Variants in SMYD4 observed in about 807,000 individuals in gnomAD.
SMYD4 encodes protein-lysine N-methyltransferase SMYD4.
Under a neutral mutation model 72.8 loss-of-function variants are expected in SMYD4, and 68 were observed. The observed-to-expected ratio is 0.93, with a 90% confidence interval of 0.77 to 1.14. The LOEUF (loss-of-function observed/expected upper bound fraction) is 1.14. SMYD4 is among the 50% of genes most tolerant of loss of function. The probability of loss-of-function intolerance (pLI) is 0.00; values close to 1 mark genes in which losing one functional copy is unlikely to be tolerated. For missense variants in SMYD4, 984 were observed against 1,003.7 expected (o/e 0.98, Z 0.27); for synonymous variants, 407 against 388.6 (o/e 1.05, Z -0.56).
In SMYD4 at chr17:1,786,504, G is replaced by A. The variant is rs766672078; in HGVS notation, c.1884+306C>T. 1.2e-3 allele frequency among the ~76,000 whole-genome samples: 183 copies of A among 152,248 alleles called. 1 individual carries two copies. Among genetic ancestry groups the A allele is most frequent in the Non-Finnish European group, 9.6e-4 (65 of 68,024 alleles). ...GCTGGGATAATAGGCATGTGTCACTGTGCCCAGCCTATCCTGGGACTTTTC... is the reference window on the plus strand; with the variant it reads ...GCTGGGATAATAGGCATGTGTCACTATGCCCAGCCTATCCTGGGACTTTTC... On this transcript the variant is annotated intron_variant, in intron 7 of 10. Transcript: ENST00000305513.
intron 2 of SMYD4, among the ~76,000 whole-genome samples, chr17:1,813,860 C>T (rs147586907): frequency 1.3e-5 from 2 of 152,128 alleles, no homozygotes; most frequent in African/African-American, 2.4e-5. Context: ...AAAAATATAC[C>T]TATTTTCCAA....
chr17:1,821,449 G>C (rs1910886644), intron 2 of SMYD4, among the ~76,000 whole-genome samples: 1 of 152,122 alleles, frequency 6.6e-6, no homozygotes, highest in Non-Finnish European at 1.5e-5. Context: ...AGGAGGCGGA[G>C]GCTGCTGTGA....
chr17:1,793,105 C>T (rs187686673), intron 5 of SMYD4, among the ~76,000 whole-genome samples: 11 of 152,144 alleles, frequency 7.2e-5, no homozygotes, highest in African/African-American at 2.6e-4. Context: ...TTTGTAGACA[C>T]AGAGTTTAGC....
chr17:1,815,008 A>T (rs765689590), intron 2 of SMYD4, among the ~76,000 whole-genome samples: 3 of 152,030 alleles, frequency 2.0e-5, no homozygotes, highest in Admixed American at 6.6e-5. Context: ...TTTGTGGTAA[A>T]CAGTAATAAT....
intron 3 of SMYD4, among the ~76,000 whole-genome samples, chr17:1,805,574 G>A (rs1047554297): frequency 6.6e-6 from 1 of 152,056 alleles, no homozygotes; most frequent in Admixed American, 6.6e-5. Flanking sequence ...CACTTTGGGA[G>A]GTCAAGGCAG....
chr17:1,784,586 C>T, intron 7 of SMYD4, 125 bp from the exon 8 acceptor site: 2 of 1,487,650 alleles, frequency 1.3e-6, no homozygotes, highest in South Asian at 2.7e-5. Context: ...TGTAACAATA[C>T]ATCGTGACGA....
intron 5 of SMYD4, among the ~76,000 whole-genome samples, chr17:1,788,700 C>A (rs1908838802): frequency 6.6e-6 from 1 of 152,018 alleles, no homozygotes; most frequent in African/African-American, 2.4e-5. Flanking sequence ...CAAGATCGTG[C>A]TGCTGCACTC....
intron 7 of SMYD4, among the ~76,000 whole-genome samples, chr17:1,786,186 T>C (rs1440568665): frequency 6.6e-6 from 1 of 152,200 alleles, no homozygotes; most frequent in Non-Finnish European, 1.5e-5. Flanking sequence ...CCCAGGCTGC[T>C]GTTTGAGTGG....
Position 1,787,529 on chromosome 17 carries a change from A to T in SMYD4, c.1613T>A (p.Leu538Gln). 6.3e-7 allele frequency: 1 copy of T among 1,593,132 alleles called. No individual in the cohort carries two copies. Among genetic ancestry groups the T allele is most frequent in the East Asian group, 2.3e-5 (1 of 44,186 alleles). Residue 538 changes from leucine to glutamine, a missense_variant, in exon 6 of 11, where the codon CTG becomes CAG. Transcript: ENST00000305513. ...GGTGTTGGGGCTACAGGAGTGGTTC[A>T]GGAGGCTGATAACAGGGAAGATGCC... Reference protein sequence around the residue: ...ATGIFPVISLLNHSCSPNTSV... With the variant: ...ATGIFPVISLQNHSCSPNTSV...
intron 3 of SMYD4, among the ~76,000 whole-genome samples, chr17:1,805,879 A>G (rs1910005965): frequency 6.6e-6 from 1 of 150,932 alleles, no homozygotes; most frequent in South Asian, 2.1e-4. Context: ...CAATGAGCAA[A>G]ATAAAGTGAT....
chr17:1,783,276 T>C, intron 9 of SMYD4, 84 bp downstream of exon 9: 1 of 1,610,134 alleles, frequency 6.2e-7, no homozygotes, highest in South Asian at 1.1e-5. Flanking sequence ...GAGCGGGGGG[T>C]AACCAGGCAG....
Position 1,800,993 on chromosome 17 carries a change from G to C in SMYD4, c.401C>G (p.Thr134Arg). Residue 134 changes from threonine (T) to arginine (R), a missense_variant, in exon 5 of 11, where the codon ACA becomes AGA. Physicochemically the swap from Thr to Arg is moderately conservative, Grantham distance 71. Coordinates refer to ENST00000305513, the MANE Select transcript of SMYD4 (RefSeq NM_052928.3). ...TTGCAACCTTTCTGGATACCCATGTGTCTGTGCTCTGTTAATGTCTTTAAG... is the reference window on the plus strand; with the variant it reads ...TTGCAACCTTTCTGGATACCCATGTCTCTGTGCTCTGTTAATGTCTTTAAG... ...TCLKDINRAQ[T>R]HGYPERLQPK... 1 of 1,613,374 alleles carries C rather than the reference G, an allele frequency of 6.2e-7. No homozygotes were observed. The highest frequency in any genetic ancestry group is 2.2e-5 in the East Asian group (1 of 44,854).
At chr17:1,783,657 C>T in intron 8 of SMYD4, 181 bp from the exon 9 acceptor site, 1 of 1,162,650 alleles carries the variant, frequency 8.6e-7, no homozygotes, top group Non-Finnish European at 1.2e-6. Context: ...TCTGTTTTCT[C>T]TGTCAGTGGA....
chr17:1,806,590 A>G (rs1910044628), intron 3 of SMYD4, among the ~76,000 whole-genome samples: 1 of 152,220 alleles, frequency 6.6e-6, no homozygotes, highest in South Asian at 2.1e-4. Flanking sequence ...TAAAATGCAG[A>G]TTACAACTGT....
Position 1,800,070 on chromosome 17 carries a change from G to T in SMYD4, c.1324C>A (p.Leu442Ile). 1 of 1,612,508 alleles carries T rather than the reference G, an allele frequency of 6.2e-7. No individual in the cohort carries two copies. The highest frequency in any genetic ancestry group is 1.3e-5 in the African/African-American group (1 of 75,030). Residue 442 changes from leucine to isoleucine, a missense_variant, in exon 5 of 11, where the codon CTC becomes ATC. Physicochemically the swap from Leu to Ile is conservative, Grantham distance 5. Coordinates refer to ENST00000305513, the MANE Select transcript of SMYD4 (RefSeq NM_052928.3). ...AGTGCAGAAACACAGAGAGCACAGA[G>T]GAATTTGTGCTCTGGGCTATGGTTT... Reference protein sequence around the residue: ...TENHSPEHKFLCALCVSALCR... With the variant: ...TENHSPEHKFICALCVSALCR...
chr17:1,787,434 G>A lies in SMYD4; in HGVS notation c.1708C>T (p.Leu570Phe), dbSNP rs867536550. The change falls in exon 6 of 11, where the codon CTC becomes TTC. Residue 570 changes from leucine to phenylalanine, a missense_variant. Leu to Phe is a conservative substitution (Grantham distance 22). Transcript: ENST00000305513. Reference protein sequence around the residue: ...SQRIRKGQEILHCYGPHKSRM... With the variant: ...SQRIRKGQEIFHCYGPHKSRM... ...AGGGATGGCTCACCATAGCAGTGGAGAATCTCTTGCCCCTTTCTAATCCGC... is the reference window on the plus strand; with the variant it reads ...AGGGATGGCTCACCATAGCAGTGGAAAATCTCTTGCCCCTTTCTAATCCGC... The A allele has an allele frequency of 5.8e-6, 9 of 1,557,194 alleles. No individual in the cohort carries two copies. Among genetic ancestry groups the A allele is most frequent in the Non-Finnish European group, 7.8e-6 (9 of 1,150,554 alleles).
At chr17:1,806,271 G>A (rs1055234267) in intron 3 of SMYD4, among the ~76,000 whole-genome samples, 2 of 152,134 alleles carry the variant, frequency 1.3e-5, no homozygotes, top group Non-Finnish European at 2.9e-5. Flanking sequence ...ATTGCTGGAC[G>A]AATCCCTAAC....
chr17:1,805,678 G>A (rs1909991583), intron 3 of SMYD4, among the ~76,000 whole-genome samples: 2 of 151,512 alleles, frequency 1.3e-5, no homozygotes, highest in Non-Finnish European at 2.9e-5. Context: ...CAGGCATGGT[G>A]GCGCACGCCT....
In SMYD4 at chr17:1,802,088, A is replaced by G. The variant is rs184334150; in HGVS notation, c.370-1064T>C. 4.7e-3 allele frequency among the ~76,000 whole-genome samples: 712 copies of G among 152,336 alleles called. 2 individuals carry two copies. The highest frequency in any genetic ancestry group is 0.016 in the African/African-American group (682 of 41,570). ...TAATTTTATCTAAAAAACAGGGATA[A>G]TAATATCTCCCAGTGTTGTTTTAAG... On this transcript the variant is annotated intron_variant, in intron 4 of 10. Coordinates refer to ENST00000305513, the MANE Select transcript of SMYD4 (RefSeq NM_052928.3).
Sources: allele counts gnomAD v4.1 joint callset (sites outside exome capture counted in the v4.1 genomes callset), GRCh38; gene constraint gnomAD v4.1.1; transcripts MANE v1.5; gene names NCBI Gene and HGNC (gene_info 2026-07-23, HGNC 2026-07-21).